TMEM117: variants seen among roughly 807,000 people sequenced by gnomAD.
TMEM117 encodes transmembrane protein 117.
A neutral mutation model predicts 52.4 loss-of-function variants in TMEM117; 27 were observed. The observed-to-expected ratio is 0.51, with a 90% CI of 0.38 to 0.71. TMEM117 has a LOEUF of 0.71. TMEM117 is among the 30% of genes least tolerant of loss of function. The pLI is 0.00. For synonymous variants in TMEM117, 215 were observed against 206.3 expected (o/e 1.04, Z -0.36); for missense variants, 556 against 630.5 (o/e 0.88, Z 1.26).
intron 2 of TMEM117, among the ~76,000 whole-genome samples, chr12:43,923,809 T>C (rs866158792): frequency 6.6e-6 from 1 of 152,158 alleles, no homozygotes; most frequent in Non-Finnish European, 1.5e-5. Flanking sequence ...TTGAGTAATA[T>C]ACTAATATTC....
intron 3 of TMEM117, among the ~76,000 whole-genome samples, chr12:44,137,017 G>A (rs774646232): frequency 2.7e-5 from 4 of 147,220 alleles, no homozygotes; most frequent in Non-Finnish European, 5.9e-5. Context: ...AATGATTTAA[G>A]TAATTTACTA....
intron 4 of TMEM117, among the ~76,000 whole-genome samples, chr12:44,198,981 T>C (rs114861300): frequency 0.019 from 2,839 of 152,286 alleles, 46 homozygotes; most frequent in African/African-American, 0.046. Context: ...TGGGACTTTA[T>C]ATCAATATGC....
At chr12:44,359,605 A>G (rs2138804511) in intron 6 of TMEM117, among the ~76,000 whole-genome samples, 1 of 152,214 alleles carries the variant, frequency 6.6e-6, no homozygotes, top group African/African-American at 2.4e-5. Context: ...TTTTCACCAT[A>G]ATAAATAACA....
intron 5 of TMEM117, among the ~76,000 whole-genome samples, chr12:44,254,034 A>C (rs1950227952): frequency 6.6e-6 from 1 of 151,354 alleles, no homozygotes; most frequent in South Asian, 2.1e-4. Context: ...AAAAACATAG[A>C]AGCAGGCTAA....
chr12:44,145,752 G>T (rs2138206685), intron 4 of TMEM117, among the ~76,000 whole-genome samples: 1 of 152,290 alleles, frequency 6.6e-6, no homozygotes, highest in African/African-American at 2.4e-5. Context: ...CGCCAATGAT[G>T]CAGGAGGCTA....
intron 2 of TMEM117, among the ~76,000 whole-genome samples, chr12:43,849,838 C>A (rs1171771823): frequency 2.0e-5 from 3 of 152,104 alleles, no homozygotes; most frequent in East Asian, 3.9e-4. Flanking sequence ...ATTCTCTGAT[C>A]CAATTTCCTA....
intron 5 of TMEM117, among the ~76,000 whole-genome samples, chr12:44,268,304 A>AT (rs1037561282): frequency 2.2e-4 from 33 of 146,790 alleles, no homozygotes; most frequent in East Asian, 1.0e-3. Context: ...TGCCTGGCTA[A>AT]TTTTTTTTTT....
At chr12:44,326,102 G>T (rs1244876799) in intron 6 of TMEM117, among the ~76,000 whole-genome samples, 1 of 152,260 alleles carries the variant, frequency 6.6e-6, no homozygotes, top group Admixed American at 6.5e-5. Context: ...GGCAGAGGTT[G>T]CAGTGAGCCA....
chr12:43,857,897 G>T (rs1167182520), intron 2 of TMEM117, among the ~76,000 whole-genome samples: 1 of 152,190 alleles, frequency 6.6e-6, no homozygotes, highest in African/African-American at 2.4e-5. Context: ...AATAAGTGGT[G>T]GTAGGTGGGA....
rs1273175594 is a variant in TMEM117, at chr12:44,159,869, C to A, written c.510+16245C>A. On this transcript the variant is annotated intron_variant, in intron 4 of 7. Transcript: ENST00000266534. ...TAATTTTAATAAAGAATCTAAGCTACCAGATGCCTGGTGAGAAACAAAGTG... is the reference window on the plus strand; with the variant it reads ...TAATTTTAATAAAGAATCTAAGCTAACAGATGCCTGGTGAGAAACAAAGTG... Among the ~76,000 whole-genome samples, 5 of 152,210 alleles carry A rather than the reference C, an allele frequency of 3.3e-5. No individual in the cohort carries two copies. In the South Asian group the frequency reaches 1.0e-3, roughly 32 times the overall value.
At chr12:44,230,048 A>G (rs748259654) in intron 5 of TMEM117, among the ~76,000 whole-genome samples, 1 of 152,170 alleles carries the variant, frequency 6.6e-6, no homozygotes, top group African/African-American at 2.4e-5. Context: ...TATTATCTTC[A>G]TTTCAGATTC....
rs554425051 is a variant in TMEM117 at position 44,224,824 on chromosome 12, T to TA, written c.608+13444dup. Among the ~76,000 whole-genome samples the TA allele has an allele frequency of 6.6e-5, 10 of 152,216 alleles. No homozygotes were observed. The South Asian group carries it at 8.3e-4, about 13-fold the overall frequency. On this transcript the variant is annotated intron_variant, in intron 5 of 7. Coordinates refer to ENST00000266534, the MANE Select transcript of TMEM117 (RefSeq NM_032256.3). ...GTCATTGTATGGTAAACTGGTAATT[T>TA]AAAAAAATCACCATAATTTTGCTCT...
chr12:44,190,778 A>T (rs968547595), intron 4 of TMEM117, among the ~76,000 whole-genome samples: 2 of 151,636 alleles, frequency 1.3e-5, no homozygotes, highest in Admixed American at 1.3e-4. Context: ...GTGTGAAGAG[A>T]TATGTGTTTT....
intron 3 of TMEM117, among the ~76,000 whole-genome samples, chr12:44,050,352 T>C (rs118088737): frequency 0.043 from 6,481 of 152,208 alleles, 188 homozygotes; most frequent in South Asian, 0.083. Context: ...AATTTTTGCA[T>C]TTTTAGAAGT....
chr12:44,161,564 C>T (rs1948898880), intron 4 of TMEM117, among the ~76,000 whole-genome samples: 1 of 152,070 alleles, frequency 6.6e-6, no homozygotes, highest in Admixed American at 6.6e-5. Flanking sequence ...TTATATATGC[C>T]ATTTGTAAAT....
chr12:44,341,126 A>C (rs1029668583), intron 6 of TMEM117, among the ~76,000 whole-genome samples: 1 of 152,000 alleles, frequency 6.6e-6, no homozygotes, highest in Non-Finnish European at 1.5e-5. Context: ...CAGCCTCCCA[A>C]GTAACTGGGA....
chr12:43,986,173 A>G (rs1425486954), intron 3 of TMEM117, among the ~76,000 whole-genome samples: 2 of 152,134 alleles, frequency 1.3e-5, no homozygotes, highest in Non-Finnish European at 2.9e-5. Flanking sequence ...AATGTGTTTT[A>G]ATTAATTTTT....
intron 2 of TMEM117, among the ~76,000 whole-genome samples, chr12:43,872,463 T>G (rs1943723514): frequency 6.6e-6 from 1 of 152,230 alleles, no homozygotes; most frequent in African/African-American, 2.4e-5. Context: ...GAAATAACTT[T>G]TCTGTAAGAT....
intron 6 of TMEM117, among the ~76,000 whole-genome samples, chr12:44,334,274 G>A (rs1160940325): frequency 1.3e-5 from 2 of 152,042 alleles, no homozygotes; most frequent in Non-Finnish European, 2.9e-5. Flanking sequence ...TATATTCAAT[G>A]TAGGGCTTTT....
Sources: gnomAD v4.1 joint callset for allele counts (sites outside exome capture counted in the v4.1 genomes callset) on GRCh38, gnomAD v4.1.1 for gene constraint, MANE v1.5 for transcripts, NCBI Gene and HGNC (gene_info 2026-07-23, HGNC 2026-07-21) for gene names.